The following SRP72 variants were observed in gnomAD, a reference collection of about 807,000 sequenced individuals.
SRP72 encodes signal recognition particle 72.
SRP72 carries 49 observed loss-of-function variants against 96.3 expected under a neutral mutation model. The ratio of observed to expected loss-of-function variants is 0.51; its 90% confidence interval spans 0.40 to 0.65. The LOEUF (loss-of-function observed/expected upper bound fraction) is 0.65. Among genes scored for constraint, SRP72 ranks in the 30% least tolerant of loss-of-function variants. SRP72 has a pLI of 0.00. For synonymous variants in SRP72, 267 were observed against 275.2 expected (o/e 0.97, Z 0.30); for missense variants, 736 against 793.3 (o/e 0.93, Z 0.87).
chr4:56,495,275 A>G (rs1001004270), intron 16 of SRP72, 82 bp from the exon 17 acceptor site: 3 of 906,218 alleles, frequency 3.3e-6, no homozygotes, highest in African/African-American at 1.7e-5. Context: ...TAAGTGCCCA[A>G]CTAACTCTTA....
At chr4:56,472,163 C>T (rs1277523318) in intron 3 of SRP72, among the ~76,000 whole-genome samples, 1 of 152,040 alleles carries the variant, frequency 6.6e-6, no homozygotes, top group Non-Finnish European at 1.5e-5. Context: ...AATACTATTT[C>T]ACTAATATTT....
At chr4:56,501,548 T>TG in intron 18 of SRP72, 136 bp from the exon 19 acceptor site, 1 of 706,766 alleles carries the variant, frequency 1.4e-6, no homozygotes, top group Non-Finnish European at 2.3e-6. Context: ...GATAGGGAGT[T>TG]GGGGAGCTTA....
chr4:56,491,425 T>TCA lies in SRP72; in HGVS notation c.1503-3_1503-2dup. On this transcript the variant is annotated splice_polypyrimidine_tract_variant and splice_region_variant and intron_variant, in intron 15 of 18. Transcript: ENST00000642900. Reference sequence around the variant, plus strand: ...ATTATGTTCCTGAACTCCTGTTCTATCACAGTCTTAGTAAACACTTGCCAT... The same window carrying TCA: ...ATTATGTTCCTGAACTCCTGTTCTATCACACAGTCTTAGTAAACACTTGCCAT... The TCA allele has an allele frequency of 6.2e-7, 1 of 1,613,174 alleles. No homozygotes were observed. Among genetic ancestry groups the TCA allele is most frequent in the Non-Finnish European group, 8.5e-7 (1 of 1,179,630 alleles).
chr4:56,499,559 A>T (rs2110133456), intron 17 of SRP72, among the ~76,000 whole-genome samples: 1 of 152,358 alleles, frequency 6.6e-6, no homozygotes, highest in Non-Finnish European at 1.5e-5. Context: ...TGGGCAAAGG[A>T]TATGAACAGA....
rs1030630506 is a variant in SRP72 at position 56,481,175 on chromosome 4, A to G, written c.826-1964A>G. ...AAAGGCAGTTTCTTGCTGTACATTA[A>G]AGTAGTTTCAAATTGGTTTGGAGCT... On this transcript the variant is annotated intron_variant, in intron 8 of 18. Coordinates refer to ENST00000642900, the MANE Select transcript of SRP72 (RefSeq NM_006947.4). 2.6e-5 allele frequency among the ~76,000 whole-genome samples: 4 copies of G among 152,282 alleles called. No homozygotes were observed. The South Asian group carries it at 8.3e-4, about 32-fold the overall frequency.
At chr4:56,486,181 C>T in intron 10 of SRP72, 144 bp from the exon 11 acceptor site, 2 of 565,128 alleles carry the variant, frequency 3.5e-6, no homozygotes, top group Non-Finnish European at 6.0e-6. Context: ...TAAAAATTTC[C>T]CCAAGTTAAG....
At chr4:56,467,927 C>T (rs1196856706) in intron 1 of SRP72, among the ~76,000 whole-genome samples, 183 bp downstream of exon 1, 1 of 152,206 alleles carries the variant, frequency 6.6e-6, no homozygotes, top group Non-Finnish European at 1.5e-5. Flanking sequence ...TCCTCGGCTT[C>T]ACCAGGCCAG....
Position 56,474,340 on chromosome 4 carries a change from A to C in SRP72, c.559A>C (p.Ile187Leu). Residue 187 changes from isoleucine (I) to leucine (L), a missense_variant, in exon 5 of 19, where the codon ATA (isoleucine) becomes CTA (leucine). By Grantham distance (5) the Ile-to-Leu change is conservative (BLOSUM62 2). Around this residue, in one of 3 missense-constraint regions of SRP72, gnomAD observed 329 missense variants for 319.0 expected, o/e 1.03. Coordinates refer to ENST00000642900, the MANE Select transcript of SRP72 (RefSeq NM_006947.4). The part of the protein sequence containing the change: ...ELCYNTACAL[I>L]GQGQLNQAMK... ...GTGCTACAACACTGCATGTGCACTG[A>C]TAGGCCAAGGCCAGCTGAACCAGGC... The C allele has an allele frequency of 6.2e-7, 1 of 1,614,188 alleles. No homozygotes were observed. Among genetic ancestry groups the C allele is most frequent in the Non-Finnish European group, 8.5e-7 (1 of 1,180,022 alleles).
At position 56,472,816 on chromosome 4, in the gene SRP72, A is replaced by G. The variant is rs116800288; in HGVS notation, c.354+973A>G. Among the ~76,000 whole-genome samples, 196 of 152,312 alleles carry G rather than the reference A, an allele frequency of 1.3e-3. 2 individuals carry two copies. Among genetic ancestry groups the G allele is most frequent in the African/African-American group, 4.6e-3 (191 of 41,574 alleles). ...CTTTTAAGGTAAACTGGATAACTTT[A>G]GGGTAAATTCTAGCATTTTGAGGTT... On this transcript the variant is annotated intron_variant, in intron 3 of 18. Transcript: ENST00000642900.
intron 11 of SRP72, among the ~76,000 whole-genome samples, chr4:56,486,892 T>A (rs1156691686): frequency 6.6e-6 from 1 of 152,218 alleles, no homozygotes; most frequent in Non-Finnish European, 1.5e-5. Flanking sequence ...ACTGCCAATG[T>A]TTTTGTCTGT....
At position 56,478,484 on chromosome 4, in the gene SRP72, A is replaced by C; in HGVS notation, c.748A>C (p.Asn250His). The change falls in exon 7 of 19, where the codon AAT becomes CAT. Residue 250 changes from asparagine (N) to histidine (H), a missense_variant. Around this residue, in one of 3 missense-constraint regions of SRP72, gnomAD observed 329 missense variants for 319.0 expected, o/e 1.03. Transcript: ENST00000642900. ...GRTEEALQLY[N>H]QIIKLKPTDV... ...AACAGAGGAGGCTTTGCAACTTTAC[A>C]ATCAAATAATAAAACTAAAGTGAGT... is the stretch of plus-strand genomic sequence containing the variant. 6.2e-7 allele frequency: 1 copy of C among 1,614,028 alleles called. No individual in the cohort carries two copies. Among genetic ancestry groups the C allele is most frequent in the Non-Finnish European group, 8.5e-7 (1 of 1,179,988 alleles).
chr4:56,467,924 C>G (rs1448760336), intron 1 of SRP72, among the ~76,000 whole-genome samples, 180 bp downstream of exon 1: 2 of 152,190 alleles, frequency 1.3e-5, no homozygotes, highest in Non-Finnish European at 2.9e-5. Flanking sequence ...CACTCCTCGG[C>G]TTCACCAGGC....
intron 1 of SRP72, among the ~76,000 whole-genome samples, chr4:56,469,217 A>G (rs533696955): frequency 5.3e-5 from 8 of 152,328 alleles, no homozygotes; most frequent in Middle Eastern, 3.4e-3. Flanking sequence ...GATATGCCCA[A>G]TACCTCAAAG....
At chr4:56,478,333 G>C in intron 6 of SRP72, 46 bp from the exon 7 acceptor site, 1 of 1,526,090 alleles carries the variant, frequency 6.6e-7, no homozygotes, top group Non-Finnish European at 8.8e-7. Flanking sequence ...AAAATATGTA[G>C]ATCAGTTTGG....
At chr4:56,483,074 A>G (rs1241215625) in intron 8 of SRP72, 65 bp from the exon 9 acceptor site, 1 of 1,486,266 alleles carries the variant, frequency 6.7e-7, no homozygotes, top group African/African-American at 1.4e-5. Context: ...ATATAAAGTT[A>G]ATAGAAAAAG....
intron 8 of SRP72, among the ~76,000 whole-genome samples, chr4:56,479,995 C>G (rs980263932): frequency 1.3e-5 from 2 of 152,106 alleles, no homozygotes; most frequent in Non-Finnish European, 2.9e-5. Flanking sequence ...AAGGTCATAG[C>G]CTACTTCATA....
intron 3 of SRP72, among the ~76,000 whole-genome samples, chr4:56,472,631 G>A (rs1720023237): frequency 6.6e-6 from 1 of 152,086 alleles, no homozygotes; most frequent in Admixed American, 6.6e-5. Context: ...ACAGGTGTAA[G>A]CCACCATGCC....
At chr4:56,473,918 T>C in intron 3 of SRP72, 136 bp from the exon 4 acceptor site, 1 of 795,756 alleles carries the variant, frequency 1.3e-6, no homozygotes, top group Non-Finnish European at 1.9e-6. Flanking sequence ...TTAAAAATTA[T>C]AAAACATAAA....
chr4:56,489,292 G>A, intron 12 of SRP72, 96 bp from the exon 13 acceptor site: 1 of 558,010 alleles, frequency 1.8e-6, no homozygotes, highest in East Asian at 2.9e-5. Flanking sequence ...TTAGCGGAGA[G>A]CCTTTATTTG....
Sources: gnomAD v4.1 joint callset for allele counts (sites outside exome capture counted in the v4.1 genomes callset) on GRCh38, gnomAD v4.1.1 for gene constraint, gnomAD v4.1.1 regional missense constraint, MANE v1.5 for transcripts, NCBI Gene and HGNC (gene_info 2026-07-23, HGNC 2026-07-21) for gene names.